NADSYN1: variants seen among roughly 807,000 people sequenced by gnomAD.
The protein encoded by NADSYN1 is NAD synthetase 1.
Under a neutral mutation model 99.3 loss-of-function variants are expected in NADSYN1, and 80 were observed. That is an observed-to-expected ratio of 0.81 (90% confidence interval 0.67 to 0.97). The LOEUF (loss-of-function observed/expected upper bound fraction) is 0.97, where lower values mean the gene tolerates loss of function less well. Ranked by LOEUF, NADSYN1 falls within the 50% of genes least tolerant of loss-of-function variation. The pLI, the probability that NADSYN1 is intolerant of heterozygous loss-of-function variation, is 0.00. For synonymous variants in NADSYN1, 385 were observed against 372.1 expected (o/e 1.03, Z -0.40); for missense variants, 859 against 948.5 (o/e 0.91, Z 1.24).
chr11:71,453,261 C>T lies in NADSYN1; in HGVS notation c.-36C>T, dbSNP rs369809841. 32 of 1,596,462 alleles carry T rather than the reference C, an allele frequency of 2.0e-5. No individual in the cohort carries two copies. Among genetic ancestry groups the T allele is most frequent in the Admixed American group, 5.1e-5 (3 of 59,238 alleles). ...TCGCTGGGACCCTGGTCTTGCTGTC[C>T]CCCGCTGGCCTCCTGCCCAAGCGAC... On this transcript the variant is annotated 5_prime_UTR_variant, in exon 1 of 21. Coordinates refer to ENST00000319023, the MANE Select transcript of NADSYN1 (RefSeq NM_018161.5).
At chr11:71,457,118 G>A (rs1428967091) in intron 2 of NADSYN1, among the ~76,000 whole-genome samples, 1 of 152,260 alleles carries the variant, frequency 6.6e-6, no homozygotes, top group Non-Finnish European at 1.5e-5. Flanking sequence ...CCATGCAGCG[G>A]GACGTGTGGT....
In NADSYN1 at chr11:71,484,455, C is replaced by A. The variant is rs373599670; in HGVS notation, c.1455+8C>A. On this transcript the variant is annotated splice_region_variant and intron_variant, in intron 15 of 20. Transcript: ENST00000319023. ...GCGCTGCAAAATGTGCAGGTGCCCC[C>A]GCCTGGGCCGGCGTCCCCTGGGGGT... 1.2e-6 allele frequency: 2 copies of A among 1,611,282 alleles called. No individual in the cohort carries two copies. Among genetic ancestry groups the A allele is most frequent in the Admixed American group, 1.7e-5 (1 of 59,750 alleles).
In NADSYN1 at chr11:71,498,471, G is replaced by A. The variant is rs749158901; in HGVS notation, c.2013G>A (p.Leu671=). The part of the protein sequence containing the change: ...NYSPEDNRFD[L]RPFLYNTSWP... ...GCCCTGAGGACAACAGGTTTGATCT[G>A]CGACCATTTCTGTACAACACAAGCT... The change falls in exon 20 of 21, where the codon CTG becomes CTA. Residue 671 remains leucine (L), a synonymous_variant. Coordinates refer to ENST00000319023, the MANE Select transcript of NADSYN1 (RefSeq NM_018161.5). 5.0e-6 allele frequency: 8 copies of A among 1,614,186 alleles called. No individual in the cohort carries two copies. In the East Asian group the frequency reaches 1.6e-4, roughly 31 times the overall value.
In NADSYN1 at chr11:71,472,390, G is replaced by A. The variant is rs1038192376; in HGVS notation, c.408-59G>A. The stretch of plus-strand genomic sequence containing the variant: ...GTTTGAGTTTTGTTTAAATGTAGCC[G>A]CCATTCCTCATTTGTCCTGAGATGC... On this transcript the variant is annotated intron_variant, in intron 5 of 20. Coordinates refer to ENST00000319023, the MANE Select transcript of NADSYN1 (RefSeq NM_018161.5). 25 of 1,387,212 alleles carry A rather than the reference G, an allele frequency of 1.8e-5. No individual in the cohort carries two copies. The South Asian group carries it at 1.8e-4, about 10-fold the overall frequency. The allele number at this position is 1,387,212 out of a possible 1,614,324, so 85.9% of individuals were successfully genotyped here.
chr11:71,457,749 T>C (rs1372529714), intron 2 of NADSYN1, among the ~76,000 whole-genome samples: 3 of 152,142 alleles, frequency 2.0e-5, no homozygotes, highest in Non-Finnish European at 4.4e-5. Context: ...ATTGCTCCCA[T>C]CTCTGCCTCC....
chr11:71,453,234 C>T lies in NADSYN1; in HGVS notation c.-63C>T. The T allele has an allele frequency of 6.8e-7, 1 of 1,472,972 alleles. No individual in the cohort carries two copies. Among genetic ancestry groups the T allele is most frequent in the South Asian group, 1.2e-5 (1 of 85,646 alleles). The allele number at this position is 1,472,972 out of a possible 1,614,324, so 91.2% of individuals were successfully genotyped here. On this transcript the variant is annotated 5_prime_UTR_variant, in exon 1 of 21. Coordinates refer to ENST00000319023, the MANE Select transcript of NADSYN1 (RefSeq NM_018161.5). ...GAAGGTCCGGCGTCCCAGCCGCCTA[C>T]CTCGCTGGGACCCTGGTCTTGCTGT...
At chr11:71,459,305 T>C (rs1949534536) in intron 3 of NADSYN1, among the ~76,000 whole-genome samples, 1 of 148,832 alleles carries the variant, frequency 6.7e-6, no homozygotes, top group Admixed American at 6.7e-5. Flanking sequence ...CTGTGTGCGC[T>C]GTGCTGGCGT....
rs767098481 is a variant in NADSYN1, at chr11:71,497,508, A to C, written c.1790A>C (p.Glu597Ala). ...GAAGATATGGGGATGACATATGCGG[A>C]GCTCTCGGTCTATGGGAAACTCAGG... is the stretch of plus-strand genomic sequence containing the variant. The part of the protein sequence containing the change: ...DEEDMGMTYA[E>A]LSVYGKLRKV... The change falls in exon 19 of 21, where the codon GAG becomes GCG. Residue 597 changes from glutamate to alanine, a missense_variant. Transcript: ENST00000319023. The C allele has an allele frequency of 2.4e-5, 38 of 1,614,094 alleles. No individual in the cohort carries two copies. In the South Asian group the frequency reaches 3.4e-4, roughly 14 times the overall value.
rs1052373507 is a variant in NADSYN1, at chr11:71,463,458, A to G, written c.290A>G (p.Tyr97Cys). 2 of 1,614,060 alleles carry G rather than the reference A, an allele frequency of 1.2e-6. No homozygotes were observed. The highest frequency in any genetic ancestry group is 1.7e-6 in the Non-Finnish European group (2 of 1,179,972). The change falls in exon 4 of 21, where the codon TAC (tyrosine) becomes TGC (cysteine). Residue 97 changes from tyrosine (Y) to cysteine (C), a missense_variant. Physicochemically the swap from Tyr to Cys is radical, Grantham distance 194 (BLOSUM62 -2). Transcript: ENST00000319023. Reference protein sequence around the residue: ...GMPVMHRNVRYNCRVIFLNRK... With the variant: ...GMPVMHRNVRCNCRVIFLNRK... Reference sequence around the variant, plus strand: ...CCTGTAATGCACCGAAACGTCCGCTACAACTGCAGAGTGATATTCCTCAAC... The same window carrying G: ...CCTGTAATGCACCGAAACGTCCGCTGCAACTGCAGAGTGATATTCCTCAAC...
Position 71,492,912 on chromosome 11 carries a change from T to C in NADSYN1, c.1764+1009T>C, listed in dbSNP as rs7117435. 8.9e-3 allele frequency among the ~76,000 whole-genome samples: 1,337 copies of C among 151,004 alleles called. 20 individuals carry two copies. The highest frequency in any genetic ancestry group is 0.031 in the African/African-American group (1,268 of 41,004). On this transcript the variant is annotated intron_variant, in intron 18 of 20. Transcript: ENST00000319023. ...ATTTTTTTTTTTTTTTTTTAGACAA[T>C]GTCTCACTCTGTTGCCCAGGCTGGA...
rs1949720177 is a variant in NADSYN1, at chr11:71,483,088, G to A, written c.1319+71G>A. 14 of 1,571,776 alleles carry A rather than the reference G, an allele frequency of 8.9e-6. No homozygotes were observed. The East Asian group carries it at 2.7e-4, about 30-fold the overall frequency. On this transcript the variant is annotated intron_variant, in intron 14 of 20. Coordinates refer to ENST00000319023, the MANE Select transcript of NADSYN1 (RefSeq NM_018161.5). ...CTCAGAGTCACTGGAAGCTCCGCCT[G>A]TGAGTGCATTGGTGACTGGCTTCAT... is the stretch of plus-strand genomic sequence containing the variant.
At chr11:71,480,552 A>C (rs1047107053) in intron 10 of NADSYN1, among the ~76,000 whole-genome samples, 7 of 152,146 alleles carry the variant, frequency 4.6e-5, no homozygotes, top group Non-Finnish European at 1.0e-4. Flanking sequence ...CAGGTTTGAG[A>C]ATCCCGGTTT....
rs1949702167 is a variant in NADSYN1, at chr11:71,480,873, AG to A, written c.993del (p.Ile332Ter). ...TGGAAATACCACAGCCCTGAGGAGGAGATAAGGTGTGTGGCCCCTGACCCCT... is the reference window on the plus strand; with the variant it reads ...TGGAAATACCACAGCCCTGAGGAGGAATAAGGTGTGTGGCCCCTGACCCCT... ...IEWKYHSPEE[E>X]ISLGPACWLW... On this transcript the variant is annotated frameshift_variant, in exon 11 of 21. Transcript: ENST00000319023. LOFTEE classifies it high-confidence loss of function. 1.2e-6 allele frequency: 2 copies of A among 1,613,826 alleles called. No homozygotes were observed. The highest frequency in any genetic ancestry group is 1.7e-6 in the Non-Finnish European group (2 of 1,179,958).
chr11:71,477,030 G>C, intron 9 of NADSYN1: 3 of 1,057,658 alleles, frequency 2.8e-6, no homozygotes, highest in Admixed American at 5.4e-5. Context: ...CCTCCACCAG[G>C]TCCTCCGTGG....
At position 71,478,432 on chromosome 11, in the gene NADSYN1, G is replaced by A. The variant is rs774307850; in HGVS notation, c.836G>A (p.Arg279Gln). 41 of 1,609,192 alleles carry A rather than the reference G, an allele frequency of 2.5e-5. No individual in the cohort carries two copies. Among genetic ancestry groups the A allele is most frequent in the East Asian group, 8.9e-5 (4 of 44,760 alleles). Residue 279 changes from arginine (R) to glutamine (Q), a missense_variant, in exon 10 of 21, where the codon CGG becomes CAG. Physicochemically the swap from Arg to Gln is conservative, Grantham distance 43 (BLOSUM62 1). Coordinates refer to ENST00000319023, the MANE Select transcript of NADSYN1 (RefSeq NM_018161.5). The part of the protein sequence containing the change: ...LTATLDLEDV[R>Q]SYRAEISSRN... The stretch of plus-strand genomic sequence containing the variant: ...GCCACGCTGGATCTGGAGGACGTCC[G>A]GAGCTACAGGGCGGAGATTTCATCT...
intron 20 of NADSYN1, chr11:71,498,780 G>A (rs1949837703): frequency 2.7e-6 from 1 of 372,270 alleles, no homozygotes; most frequent in African/African-American, 2.1e-5. Flanking sequence ...GAATGGCTAA[G>A]TCAAGCTATT....
intron 16 of NADSYN1, 22 bp downstream of exon 16, chr11:71,485,670 G>A (rs775099417): frequency 3.0e-5 from 45 of 1,525,310 alleles, no homozygotes; most frequent in Middle Eastern, 3.4e-4. Context: ...CCAGTGGCAC[G>A]TGGTGGTGGG....
intron 9 of NADSYN1, chr11:71,475,998 G>A: frequency 2.2e-6 from 1 of 455,746 alleles, no homozygotes; most frequent in South Asian, 1.5e-5. Flanking sequence ...ACAGGTGTGA[G>A]CCACCGCACC....
chr11:71,484,214 A>G, intron 14 of NADSYN1, 98 bp from the exon 15 acceptor site: 1 of 1,511,212 alleles, frequency 6.6e-7, no homozygotes, highest in East Asian at 2.3e-5. Flanking sequence ...AATGGGTTAC[A>G]ATGGTCAGTT....
Sources: gnomAD v4.1 joint callset for allele counts (sites outside exome capture counted in the v4.1 genomes callset) on GRCh38, gnomAD v4.1.1 for gene constraint, MANE v1.5 for transcripts, NCBI Gene and HGNC (gene_info 2026-07-23, HGNC 2026-07-21) for gene names.